The following CCSAP variants were observed in gnomAD, a reference collection of about 807,000 sequenced individuals.
CCSAP encodes the protein centriole, cilia and spindle-associated protein.
CCSAP carries 17 observed loss-of-function variants against 25.9 expected under a neutral mutation model. That is an observed-to-expected ratio of 0.66 (90% CI 0.45 to 0.99). The LOEUF (loss-of-function observed/expected upper bound fraction) is 0.99. CCSAP is among the 50% of genes least tolerant of loss of function. The pLI, the probability that CCSAP is intolerant of heterozygous loss-of-function variation, is 0.00. For synonymous variants in CCSAP, 169 were observed against 157.1 expected (o/e 1.08, Z -0.57); for missense variants, 339 against 367.8 (o/e 0.92, Z 0.64).
intron 3 of CCSAP, 58 bp from the exon 4 acceptor site, chr1:229,325,469 A>G (rs1255770963): frequency 6.6e-7 from 1 of 1,526,394 alleles, no homozygotes; most frequent in Non-Finnish European, 8.9e-7. Flanking sequence ...CTAATGTTCA[A>G]CAGAGGTTGC....
intron 3 of CCSAP, among the ~76,000 whole-genome samples, chr1:229,325,872 T>C (rs1657928412): frequency 6.6e-6 from 1 of 152,232 alleles, no homozygotes; most frequent in African/African-American, 2.4e-5. Flanking sequence ...ATAAATCCTG[T>C]TAAAATTAAT....
chr1:229,326,179 G>C (rs754061824), intron 3 of CCSAP, among the ~76,000 whole-genome samples: 63 of 152,246 alleles, frequency 4.1e-4, no homozygotes, highest in African/African-American at 1.5e-3. Flanking sequence ...CTAAGGCTAA[G>C]TCAGGGGAGG....
rs1657956642 is a variant in CCSAP, at chr1:229,327,015, AAG to A, written c.368-11_368-10del. ...ATCTTTCACTGGCAGTGCTTTTGAA[AAG>A]AGATAAATGAGATGAAAATACTTTG... On this transcript the variant is annotated splice_polypyrimidine_tract_variant and intron_variant, in intron 2 of 3. Transcript: ENST00000284617. 3 of 1,595,716 alleles carry A rather than the reference AAG, an allele frequency of 1.9e-6. No individual in the cohort carries two copies. The highest frequency in any genetic ancestry group is 1.8e-5 in the Admixed American group (1 of 56,566).
chr1:229,335,613 A>G (rs1195175812), intron 2 of CCSAP, among the ~76,000 whole-genome samples: 1 of 152,222 alleles, frequency 6.6e-6, no homozygotes, highest in East Asian at 1.9e-4. Context: ...AGGATAAAAG[A>G]GAAAAAGCAA....
chr1:229,337,803 A>G (rs1658231654), intron 2 of CCSAP, among the ~76,000 whole-genome samples: 1 of 149,220 alleles, frequency 6.7e-6, no homozygotes, highest in South Asian at 2.1e-4. Flanking sequence ...ACAAATGGCA[A>G]GTTTCATAGT....
chr1:229,341,723 A>G (rs972055152), intron 2 of CCSAP, among the ~76,000 whole-genome samples: 2 of 152,102 alleles, frequency 1.3e-5, no homozygotes, highest in African/African-American at 2.4e-5. Context: ...AATCTGATTA[A>G]AGCTGGGGCT....
Position 229,322,883 on chromosome 1 carries a change from T to A in CCSAP, c.*2352A>T, listed in dbSNP as rs1224340889. On this transcript the variant is annotated 3_prime_UTR_variant, in exon 4 of 4. Transcript: ENST00000284617. Reference sequence around the variant, plus strand: ...ATTTATTTTAAATATCATTGGGTTCTCTGTTTCAGACTTTTTCAACATGAA... The same window carrying A: ...ATTTATTTTAAATATCATTGGGTTCACTGTTTCAGACTTTTTCAACATGAA... The A allele has an allele frequency of 2.0e-5, 3 of 152,370 alleles. No individual in the cohort carries two copies. In the East Asian group the frequency reaches 5.8e-4, roughly 29 times the overall value. 9.4% of individuals were successfully genotyped at this position (152,370 alleles called of 1,614,324 possible). A position where few individuals can be genotyped will look rare whatever the true frequency, so the allele number is the denominator to read the frequency against.
chr1:229,339,719 G>C (rs868176952), intron 2 of CCSAP, among the ~76,000 whole-genome samples: 1 of 152,210 alleles, frequency 6.6e-6, no homozygotes, highest in Non-Finnish European at 1.5e-5. Flanking sequence ...AAGATGACAA[G>C]AGTGATAGTG....
At chr1:229,327,749 G>GA (rs1417258588) in intron 2 of CCSAP, among the ~76,000 whole-genome samples, 1 of 151,712 alleles carries the variant, frequency 6.6e-6, no homozygotes, top group Non-Finnish European at 1.5e-5. Flanking sequence ...CATGCCTGTA[G>GA]TCCCAGCTAC....
chr1:229,329,172 C>T (rs1212645730), intron 2 of CCSAP, among the ~76,000 whole-genome samples: 1 of 152,226 alleles, frequency 6.6e-6, no homozygotes, highest in East Asian at 1.9e-4. Flanking sequence ...GAGAAAAAAG[C>T]AGCCACCCAA....
intron 3 of CCSAP, among the ~76,000 whole-genome samples, chr1:229,325,612 A>G (rs1185067165): frequency 6.6e-6 from 1 of 152,242 alleles, no homozygotes; most frequent in African/African-American, 2.4e-5. Flanking sequence ...CTTGATTCAT[A>G]TCAGGGATAA....
exon 1 of CCSAP, chr1:229,343,042 CCAGCTGCAGGCGGGAGGCGGTGGCG>C (rs1658381489): frequency 6.6e-6 from 1 of 152,216 alleles, no homozygotes; most frequent in Non-Finnish European, 1.5e-5. Context: ...GGCCCGCGCT[CCAGCTGCAGGCGGGAGGCGGTGGCG>C]CCGCCTCAGT....
intron 2 of CCSAP, among the ~76,000 whole-genome samples, chr1:229,338,548 C>CACAT (rs1446709521): frequency 6.6e-6 from 1 of 151,136 alleles, no homozygotes; most frequent in African/African-American, 2.4e-5. Context: ...AACACACACA[C>CACAT]ACACACACAC....
rs1658355699 is a variant in CCSAP at position 229,342,290 on chromosome 1, T to G, written c.176A>C (p.Glu59Ala). Residue 59 changes from glutamate (E) to alanine (A), a missense_variant, in exon 2 of 4, where the codon GAG (glutamate) becomes GCG (alanine). By Grantham distance (107) the Glu-to-Ala change is moderately radical (BLOSUM62 -1). Coordinates refer to ENST00000284617, the MANE Select transcript of CCSAP (RefSeq NM_145257.5). This position sits in a 1 kb window ranked among gnomAD's most constrained non-coding sequence, Gnocchi z 7.5. Reference sequence around the variant, plus strand: ...CGACGACTCTGACGACGCCGAGTCCTCCGAGGAGCCGGCCGGGCCCCAGTC... The same window carrying G: ...CGACGACTCTGACGACGCCGAGTCCGCCGAGGAGCCGGCCGGGCCCCAGTC... ...WDDWGPAGSS[E>A]DSASSESSGA... 7.1e-7 allele frequency: 1 copy of G among 1,400,944 alleles called. No individual in the cohort carries two copies. Among genetic ancestry groups the G allele is most frequent in the South Asian group, 1.6e-5 (1 of 63,410 alleles). The allele number at this position is 1,400,944 out of a possible 1,614,324, so 86.8% of individuals were successfully genotyped here.
At chr1:229,341,391 G>A (rs908015427) in intron 2 of CCSAP, among the ~76,000 whole-genome samples, 4 of 152,186 alleles carry the variant, frequency 2.6e-5, no homozygotes, top group African/African-American at 9.7e-5. Context: ...GCTGTACTGA[G>A]GCGTTCAACT....
chr1:229,331,522 C>T (rs1273179937), intron 2 of CCSAP, among the ~76,000 whole-genome samples: 4 of 152,008 alleles, frequency 2.6e-5, no homozygotes, highest in Non-Finnish European at 5.9e-5. Flanking sequence ...GTCCATAGTT[C>T]GTGGCTCCTA....
At position 229,323,444 on chromosome 1, in the gene CCSAP, C is replaced by T. The variant is rs1005897975; in HGVS notation, c.*1791G>A. On this transcript the variant is annotated 3_prime_UTR_variant, in exon 4 of 4. Transcript: ENST00000284617. The stretch of plus-strand genomic sequence containing the variant: ...CAAGCCTGAGCTGGATGACTAACAC[C>T]GAACATGCAAGAAGCGACTTTAAAG... 1 of 152,178 alleles carries T rather than the reference C, an allele frequency of 6.6e-6. No homozygotes were observed. The highest frequency in any genetic ancestry group is 6.6e-5 in the Admixed American group (1 of 15,264). 9.4% of individuals were successfully genotyped at this position (152,178 alleles called of 1,614,324 possible).
chr1:229,332,095 G>A (rs1035313742), intron 2 of CCSAP, among the ~76,000 whole-genome samples: 6 of 151,800 alleles, frequency 4.0e-5, no homozygotes, highest in South Asian at 2.1e-4. Flanking sequence ...CACCCGCCTC[G>A]GCCTCCCAAA....
chr1:229,335,871 C>T (rs900939584), intron 2 of CCSAP, among the ~76,000 whole-genome samples: 3 of 151,988 alleles, frequency 2.0e-5, no homozygotes, highest in Non-Finnish European at 4.4e-5. Flanking sequence ...CCTCCGTATC[C>T]AGGGGTTCTG....
Sources: gnomAD v4.1 joint callset for allele counts (sites outside exome capture counted in the v4.1 genomes callset) on GRCh38, gnomAD v4.1.1 for gene constraint, Gnocchi (gnomAD v3.1) non-coding constraint, MANE v1.5 for transcripts, NCBI Gene and HGNC (gene_info 2026-07-23, HGNC 2026-07-21) for gene names.